Variants in ALDH1A2 observed in about 807,000 individuals in gnomAD.
ALDH1A2 encodes the protein aldehyde dehydrogenase 1 family member A2.
Under a neutral mutation model 60.3 loss-of-function variants are expected in ALDH1A2, and 27 were observed. The observed-to-expected ratio is 0.45, with a 90% CI of 0.33 to 0.62. The LOEUF (loss-of-function observed/expected upper bound fraction) is 0.62. ALDH1A2 is among the 20% of genes least tolerant of loss of function. The pLI, the probability that ALDH1A2 is intolerant of heterozygous loss-of-function variation, is 0.02. For missense variants in ALDH1A2, 581 were observed against 643.8 expected (o/e 0.90, Z 1.06); for synonymous variants, 289 against 232.4 (o/e 1.24, Z -2.21).
At chr15:57,991,556 A>G (rs1894896587) in intron 7 of ALDH1A2, 3 of 152,226 alleles carry the variant, frequency 2.0e-5, no homozygotes, top group Admixed American at 1.3e-4. Flanking sequence ...ACGCATGGCA[A>G]TGGAGAACGT....
intron 1 of ALDH1A2, among the ~76,000 whole-genome samples, chr15:58,032,790 A>G (rs1172046344): frequency 2.2e-5 from 1 of 45,638 alleles, no homozygotes; most frequent in African/African-American, 6.5e-5. Context: ...GTGCCCCTCA[A>G]CACACACACA....
intron 1 of ALDH1A2, among the ~76,000 whole-genome samples, chr15:58,038,045 A>G (rs1209425609): frequency 6.6e-6 from 1 of 151,438 alleles, no homozygotes; most frequent in African/African-American, 2.4e-5. Flanking sequence ...CTGCCTCTTG[A>G]AATCTACATC....
Position 58,029,479 on chromosome 15 carries a change from A to G in ALDH1A2, c.118-15198T>C, listed in dbSNP as rs773239238. ...ACTCAACCCCCTAACATCACAATTA[A>G]AAGAACTAGAGAAGCAACAGCAAAC... is the stretch of plus-strand genomic sequence containing the variant. On this transcript the variant is annotated intron_variant, in intron 1 of 12. Coordinates refer to ENST00000249750, the MANE Select transcript of ALDH1A2 (RefSeq NM_003888.4). 2.2e-4 allele frequency among the ~76,000 whole-genome samples: 33 copies of G among 152,144 alleles called. 1 individual carries two copies. The highest frequency in any genetic ancestry group is 4.1e-4 in the Non-Finnish European group (28 of 68,012).
At chr15:57,958,676 G>A (rs1893623010) in intron 12 of ALDH1A2, among the ~76,000 whole-genome samples, 1 of 151,348 alleles carries the variant, frequency 6.6e-6, no homozygotes, top group South Asian at 2.1e-4. Context: ...TGTGTAGACG[G>A]AGGATTAAGT....
chr15:58,058,468 C>CA (rs1188637852), intron 1 of ALDH1A2, among the ~76,000 whole-genome samples: 1,570 of 23,424 alleles, frequency 0.067, 18 homozygotes, highest in East Asian at 0.15. Flanking sequence ...AAATGATATT[C>CA]AAAAAAAAAA....
At chr15:57,968,155 C>T (rs1893954106) in intron 7 of ALDH1A2, among the ~76,000 whole-genome samples, 1 of 152,074 alleles carries the variant, frequency 6.6e-6, no homozygotes, top group African/African-American at 2.4e-5. Flanking sequence ...ATTTTAAAGT[C>T]AAGGAAGATA....
At chr15:58,017,730 C>T (rs961063818) in intron 1 of ALDH1A2, among the ~76,000 whole-genome samples, 5 of 152,146 alleles carry the variant, frequency 3.3e-5, no homozygotes, top group East Asian at 1.9e-4. Flanking sequence ...GAAATAAAAA[C>T]GTGGTTTGCT....
At chr15:57,959,911 G>A (rs77806414) in intron 12 of ALDH1A2, among the ~76,000 whole-genome samples, 10 of 152,128 alleles carry the variant, frequency 6.6e-5, no homozygotes, top group African/African-American at 1.7e-4. Context: ...ACACACTACC[G>A]TTATTTTTCC....
intron 1 of ALDH1A2, among the ~76,000 whole-genome samples, chr15:58,043,502 C>G (rs1364155294): frequency 6.6e-6 from 1 of 151,930 alleles, no homozygotes; most frequent in African/African-American, 2.4e-5. Context: ...CATTTCATAG[C>G]CATTTGAATA....
intron 7 of ALDH1A2, among the ~76,000 whole-genome samples, chr15:57,969,318 GA>G (rs1191965802): frequency 1.3e-5 from 2 of 151,374 alleles, no homozygotes; most frequent in East Asian, 1.9e-4. Flanking sequence ...CAGTCCACTA[GA>G]AAAAAAAATC....
intron 7 of ALDH1A2, chr15:57,980,040 G>C (rs879424492): frequency 8.2e-5 from 27 of 327,744 alleles, no homozygotes; most frequent in Middle Eastern, 1.2e-3. Flanking sequence ...TGATCGAGTG[G>C]TCCATGGGGG....
chr15:58,043,185 T>C (rs931973722), intron 1 of ALDH1A2, among the ~76,000 whole-genome samples: 2 of 151,982 alleles, frequency 1.3e-5, no homozygotes, highest in African/African-American at 2.4e-5. Flanking sequence ...ATGGCACTTA[T>C]GATACAAATC....
At chr15:57,969,818 C>T (rs1275617972) in intron 7 of ALDH1A2, among the ~76,000 whole-genome samples, 1 of 152,170 alleles carries the variant, frequency 6.6e-6, no homozygotes, top group Admixed American at 6.5e-5. Context: ...TTACAACGTA[C>T]TCGTGTGATA....
chr15:58,016,137 ATTTTTTT>A (rs532101226), intron 1 of ALDH1A2, among the ~76,000 whole-genome samples: 1 of 134,408 alleles, frequency 7.4e-6, no homozygotes, highest in African/African-American at 2.8e-5. Flanking sequence ...ACTGATCCTA[ATTTTTTT>A]TTTTTTTTTT....
intron 1 of ALDH1A2, among the ~76,000 whole-genome samples, chr15:58,035,577 C>T (rs1389870920): frequency 6.6e-6 from 1 of 151,602 alleles, no homozygotes; most frequent in Non-Finnish European, 1.5e-5. Flanking sequence ...TATCTAAATA[C>T]TGCTTTAGCA....
At chr15:57,970,824 T>G (rs1894039701) in intron 7 of ALDH1A2, among the ~76,000 whole-genome samples, 1 of 152,166 alleles carries the variant, frequency 6.6e-6, no homozygotes, top group African/African-American at 2.4e-5. Context: ...CCAAACAGAT[T>G]TACTCTCTGC....
chr15:58,023,135 G>C lies in ALDH1A2; in HGVS notation c.118-8854C>G, dbSNP rs1366813093. Reference sequence around the variant, plus strand: ...AAATAAATGAGAAACTTACCAAAGAGATAAATTTTTTTTTAAAGAAACAAA... The same window carrying C: ...AAATAAATGAGAAACTTACCAAAGACATAAATTTTTTTTTAAAGAAACAAA... On this transcript the variant is annotated intron_variant, in intron 1 of 12. Coordinates refer to ENST00000249750, the MANE Select transcript of ALDH1A2 (RefSeq NM_003888.4). 4.6e-5 allele frequency among the ~76,000 whole-genome samples: 7 copies of C among 152,112 alleles called. No individual in the cohort carries two copies. The East Asian group carries it at 1.3e-3, about 29-fold the overall frequency.
rs34735394 is a variant in ALDH1A2 at position 57,965,622 on chromosome 15, A to T, written c.901+103T>A. On this transcript the variant is annotated intron_variant, in intron 8 of 12. Transcript: ENST00000249750. The stretch of plus-strand genomic sequence containing the variant: ...AGAGGAGATCTTTTTGATTGCCCTT[A>T]GCTTCAAATATCTTTTGCTAGTGTC... The T allele has an allele frequency of 1.5e-4, 134 of 913,922 alleles. No individual in the cohort carries two copies. In the African/African-American group the frequency reaches 2.1e-3, roughly 14 times the overall value. 56.6% of individuals were successfully genotyped at this position (913,922 alleles called of 1,614,324 possible).
intron 7 of ALDH1A2, among the ~76,000 whole-genome samples, chr15:57,978,866 G>C (rs559965076): frequency 1.3e-5 from 2 of 152,108 alleles, no homozygotes; most frequent in Admixed American, 6.5e-5. Context: ...GTGAAACCTC[G>C]TCTCTACTAA....
Sources: gnomAD v4.1 joint callset for allele counts (sites outside exome capture counted in the v4.1 genomes callset) on GRCh38, gnomAD v4.1.1 for gene constraint, MANE v1.5 for transcripts, NCBI Gene and HGNC (gene_info 2026-07-23, HGNC 2026-07-21) for gene names.